Variants in SLC25A21 observed in about 807,000 individuals in gnomAD.
The protein encoded by SLC25A21 is solute carrier family 25 member 21.
Under a neutral mutation model 43.8 loss-of-function variants are expected in SLC25A21, and 47 were observed. The ratio of observed to expected loss-of-function variants is 1.07; its 90% CI spans 0.85 to 1.37. The LOEUF (loss-of-function observed/expected upper bound fraction) is 1.37. Ranked by LOEUF, SLC25A21 falls within the 40% of genes most tolerant of loss-of-function variation. The pLI, the probability that SLC25A21 is intolerant of heterozygous loss-of-function variation, is 0.00. For synonymous variants in SLC25A21, 131 were observed against 121.3 expected (o/e 1.08, Z -0.52); for missense variants, 352 against 350.2 (o/e 1.00, Z -0.04).
chr14:36,847,525 G>A (rs928582811), intron 2 of SLC25A21, among the ~76,000 whole-genome samples: 2 of 152,176 alleles, frequency 1.3e-5, no homozygotes, highest in Admixed American at 1.3e-4. Flanking sequence ...TGTGATAAAC[G>A]CCACAATCAC....
intron 1 of SLC25A21, among the ~76,000 whole-genome samples, chr14:36,902,935 T>C (rs1234153441): frequency 6.6e-6 from 1 of 152,064 alleles, no homozygotes; most frequent in African/African-American, 2.4e-5. Context: ...CAGTGAGCCA[T>C]GATTGCACCA....
At chr14:36,779,642 A>ATATATATATG (rs1886979803) in intron 3 of SLC25A21, among the ~76,000 whole-genome samples, 1 of 134,388 alleles carries the variant, frequency 7.4e-6, no homozygotes, top group Non-Finnish European at 1.6e-5. Flanking sequence ...ATATATATAT[A>ATATATATATG]TGTATACATA....
At position 36,816,799 on chromosome 14, in the gene SLC25A21, T is replaced by C. The variant is rs546191033; in HGVS notation, c.120-2798A>G. On this transcript the variant is annotated intron_variant, in intron 2 of 9. Coordinates refer to ENST00000331299, the MANE Select transcript of SLC25A21 (RefSeq NM_030631.4). ...GATTGCAGGCATGAGCCACTACCCC[T>C]AGACAACAAATCACTTTGAAACATA... 3.9e-5 allele frequency among the ~76,000 whole-genome samples: 6 copies of C among 152,284 alleles called. No individual in the cohort carries two copies. The South Asian group carries it at 1.0e-3, about 26-fold the overall frequency.
chr14:37,099,159 T>G (rs1009632079), intron 1 of SLC25A21, among the ~76,000 whole-genome samples: 2 of 152,140 alleles, frequency 1.3e-5, no homozygotes, highest in Non-Finnish European at 2.9e-5. Context: ...TGTAATAATT[T>G]GGGCTTCCCC....
At chr14:36,891,598 C>A (rs1315683548) in intron 1 of SLC25A21, among the ~76,000 whole-genome samples, 4 of 152,094 alleles carry the variant, frequency 2.6e-5, no homozygotes, top group African/African-American at 9.7e-5. Context: ...TATTTATACT[C>A]CTGGGAACAA....
At chr14:37,085,643 ACATT>A (rs1210631188) in intron 1 of SLC25A21, among the ~76,000 whole-genome samples, 1 of 152,222 alleles carries the variant, frequency 6.6e-6, no homozygotes, top group African/African-American at 2.4e-5. Flanking sequence ...ATTATGTATG[ACATT>A]TTATACCTTT....
At chr14:36,774,759 T>C (rs1886760701) in intron 3 of SLC25A21, among the ~76,000 whole-genome samples, 1 of 152,118 alleles carries the variant, frequency 6.6e-6, no homozygotes. Context: ...GAGAACAAGG[T>C]CTTGCTATGT....
At chr14:36,756,633 T>A (rs1885940973) in intron 3 of SLC25A21, among the ~76,000 whole-genome samples, 3 of 152,320 alleles carry the variant, frequency 2.0e-5, no homozygotes, top group Non-Finnish European at 4.4e-5. Flanking sequence ...GAAATGCTTC[T>A]TTTTGAAGCT....
chr14:37,172,078 T>A, intron 1 of SLC25A21: 1 of 557,680 alleles, frequency 1.8e-6, no homozygotes, highest in South Asian at 3.0e-5. Flanking sequence ...CGAGGCAACT[T>A]TACTTGGGGC....
chr14:36,764,079 A>AGAAAGAAAGAAGGAAGGAAGGAAGGAAG (rs1555326615), intron 3 of SLC25A21, among the ~76,000 whole-genome samples: 1 of 41,866 alleles, frequency 2.4e-5, no homozygotes, highest in Non-Finnish European at 3.7e-5. Context: ...AAAGAAAGAA[A>AGAAAGAAAGAAGGAAGGAAGGAAGGAAG]GAAGGAAGGA....
chr14:37,166,235 G>A (rs1054655731), intron 1 of SLC25A21, among the ~76,000 whole-genome samples: 1 of 152,216 alleles, frequency 6.6e-6, no homozygotes, highest in African/African-American at 2.4e-5. Flanking sequence ...GCCCTGAATG[G>A]ATGGAGAAGT....
intron 1 of SLC25A21, among the ~76,000 whole-genome samples, chr14:36,936,752 T>G (rs1447937819): frequency 1.3e-5 from 2 of 152,200 alleles, no homozygotes; most frequent in East Asian, 1.9e-4. Flanking sequence ...GAATTTTATT[T>G]TTTCCACTTT....
rs898749509 is a variant in SLC25A21 at position 36,680,624 on chromosome 14, A to T, written c.*34T>A. The T allele has an allele frequency of 8.7e-6, 14 of 1,609,336 alleles. No individual in the cohort carries two copies. Among genetic ancestry groups the T allele is most frequent in the Admixed American group, 1.7e-5 (1 of 59,362 alleles). Reference sequence around the variant, plus strand: ...TCATGGTGCTGCATAGCAAATATCCATTATCTCAAGGGGGAAAAACACTTC... The same window carrying T: ...TCATGGTGCTGCATAGCAAATATCCTTTATCTCAAGGGGGAAAAACACTTC... On this transcript the variant is annotated 3_prime_UTR_variant, in exon 10 of 10. Transcript: ENST00000331299.
At chr14:36,958,691 A>G (rs988659618) in intron 1 of SLC25A21, among the ~76,000 whole-genome samples, 2,780 of 144,392 alleles carry the variant, frequency 0.019, 91 homozygotes, top group African/African-American at 0.073. Context: ...ACACACACAC[A>G]CACACACACA....
At chr14:37,150,121 C>T (rs1963733605) in intron 1 of SLC25A21, among the ~76,000 whole-genome samples, 1 of 152,120 alleles carries the variant, frequency 6.6e-6, no homozygotes, top group Non-Finnish European at 1.5e-5. Flanking sequence ...CAAGAAATGG[C>T]ATTTGAGTCC....
intron 2 of SLC25A21, among the ~76,000 whole-genome samples, chr14:36,860,795 A>G (rs1472641231): frequency 6.6e-6 from 1 of 152,238 alleles, no homozygotes; most frequent in Non-Finnish European, 1.5e-5. Flanking sequence ...GTTGGATCAT[A>G]TAATGAGAAG....
chr14:36,981,251 T>C (rs542305409), intron 1 of SLC25A21, among the ~76,000 whole-genome samples: 6 of 152,320 alleles, frequency 3.9e-5, no homozygotes, highest in Middle Eastern at 3.4e-3. Flanking sequence ...GACTGTAAAC[T>C]AGTTCAATCA....
At chr14:37,110,757 G>A (rs1594798274) in intron 1 of SLC25A21, among the ~76,000 whole-genome samples, 1 of 152,118 alleles carries the variant, frequency 6.6e-6, no homozygotes, top group South Asian at 2.1e-4. Context: ...CCAGACAACT[G>A]TTTATCAATG....
At chr14:36,777,994 C>T (rs141059686) in intron 3 of SLC25A21, among the ~76,000 whole-genome samples, 10 of 152,258 alleles carry the variant, frequency 6.6e-5, no homozygotes, top group African/African-American at 2.2e-4. Flanking sequence ...ATGAGAACTC[C>T]CATTCCTTAC....
Sources: allele counts gnomAD v4.1 joint callset (sites outside exome capture counted in the v4.1 genomes callset), GRCh38; gene constraint gnomAD v4.1.1; transcripts MANE v1.5; gene names NCBI Gene and HGNC (gene_info 2026-07-23, HGNC 2026-07-21).